RTL1: variants seen among roughly 807,000 people sequenced by gnomAD.
RTL1 encodes retrotransposon-like protein 1.
For missense variants in RTL1, 1,681 were observed against 1,767.5 expected (o/e 0.95, Z 0.88); for synonymous variants, 727 against 748.4 (o/e 0.97, Z 0.47).
chr14:100,886,086 CT>C (rs1295696642), intron 3 of RTL1, among the ~76,000 whole-genome samples: 10 of 152,176 alleles, frequency 6.6e-5, no homozygotes, highest in African/African-American at 2.2e-4. Flanking sequence ...TTGCACATTT[CT>C]TCTCTGCTGG....
intron 3 of RTL1, among the ~76,000 whole-genome samples, chr14:100,891,878 C>G (rs959532454): frequency 6.6e-6 from 1 of 152,062 alleles, no homozygotes; most frequent in Admixed American, 6.5e-5. Flanking sequence ...TGGTGGTCTT[C>G]TCACTGTGCT....
rs1315436060 is a variant in RTL1, at chr14:100,880,226, G to A, written c.*486C>T. 7.1e-6 allele frequency among the ~76,000 whole-genome samples: 1 copy of A among 139,886 alleles called. No homozygotes were observed. Among genetic ancestry groups the A allele is most frequent in the African/African-American group, 2.6e-5 (1 of 38,992 alleles). The allele number at this position is 139,886 out of a possible 152,430, so 91.8% of individuals were successfully genotyped here. ...TTGGGGGATGGGGGTTGGGGGGCGG[G>A]GGCGGGAGCTCAGGGGAGCAGGAGC... On this transcript the variant is annotated 3_prime_UTR_variant, in exon 4 of 4. Coordinates refer to ENST00000649591, the MANE Select transcript of RTL1 (RefSeq NM_001134888.3).
At position 100,883,448 on chromosome 14, in the gene RTL1, G is replaced by A. The variant is rs2038649689; in HGVS notation, c.1341C>T (p.Tyr447=). Residue 447 remains tyrosine, a synonymous_variant, in exon 4 of 4, where the codon TAC becomes TAT. Coordinates refer to ENST00000649591, the MANE Select transcript of RTL1 (RefSeq NM_001134888.3). This position sits in a 1 kb window ranked among gnomAD's most constrained non-coding sequence, Gnocchi z 5.9. The part of the protein sequence containing the change: ...FMDEKFAQEH[Y]VELYEKPYPQ... Reference sequence around the variant, plus strand: ...GGTACGGCTTCTCGTAGAGCTCGACGTAGTGCTCTTGGGCGAACTTCTCAT... The same window carrying A: ...GGTACGGCTTCTCGTAGAGCTCGACATAGTGCTCTTGGGCGAACTTCTCAT... The A allele has an allele frequency of 3.9e-6, 6 of 1,550,934 alleles. No homozygotes were observed. The highest frequency in any genetic ancestry group is 1.4e-5 in the African/African-American group (1 of 73,046).
chr14:100,897,751 C>CGGGGGGGGGGGGGGGG (rs67432304), intron 2 of RTL1: 3 of 49,802 alleles, frequency 6.0e-5, no homozygotes, highest in African/African-American at 1.5e-4. Flanking sequence ...CCCTGGTTGG[C>CGGGGGGGGGGGGGGGG]GGGGGGGGGG....
intron 3 of RTL1, among the ~76,000 whole-genome samples, chr14:100,890,096 AGCCCAGAATTTAATGCT>A (rs2038750895): frequency 6.7e-6 from 1 of 148,160 alleles, no homozygotes; most frequent in Non-Finnish European, 1.5e-5. Flanking sequence ...AAAAAAAAGA[AGCCCAGAATTTAATGCT>A]GCTGGTTTGG....
rs1002034807 is a variant in RTL1 at position 100,883,388 on chromosome 14, A to C, written c.1401T>G (p.Ile467Met). 1 of 1,550,580 alleles carries C rather than the reference A, an allele frequency of 6.4e-7. No homozygotes were observed. Among genetic ancestry groups the C allele is most frequent in the Non-Finnish European group, 8.7e-7 (1 of 1,146,356 alleles). Residue 467 changes from isoleucine (I) to methionine (M), a missense_variant, in exon 4 of 4, where the codon ATT (isoleucine) becomes ATG (methionine). Transcript: ENST00000649591. The surrounding 1 kb of genome is among the most constrained non-coding windows in gnomAD (Gnocchi z 5.9). ...QPVQSVDGSL[I>M]GNEPVWLYTE... ...TGTAGAGCCAGACAGGCTCGTTGCC[A>C]ATCAGCGAGCCGTCCACGGATTGGA...
chr14:100,900,216 T>G (rs2038923155), intron 2 of RTL1, among the ~76,000 whole-genome samples: 1 of 152,264 alleles, frequency 6.6e-6, no homozygotes, highest in African/African-American at 2.4e-5. Flanking sequence ...CAGAGGTTCA[T>G]AATTCCTGGA....
Position 100,882,975 on chromosome 14 carries a change from T to A in RTL1, c.1814A>T (p.Glu605Val). 1 of 1,614,126 alleles carries A rather than the reference T, an allele frequency of 6.2e-7. No homozygotes were observed. The highest frequency in any genetic ancestry group is 8.5e-7 in the Non-Finnish European group (1 of 1,180,036). The part of the protein sequence containing the change: ...LQQAGDSDHS[E>V]TFYECPSTAP... Reference sequence around the variant, plus strand: ...GGTGGAGGGACACTCGTAAAAGGTCTCGCTGTGATCACTGTCTCCAGCCTG... The same window carrying A: ...GGTGGAGGGACACTCGTAAAAGGTCACGCTGTGATCACTGTCTCCAGCCTG... Residue 605 changes from glutamate (E) to valine (V), a missense_variant, in exon 4 of 4, where the codon GAG (glutamate) becomes GTG (valine). By Grantham distance (121) the Glu-to-Val change is moderately radical. Transcript: ENST00000649591.
chr14:100,892,335 G>A (rs959880407), intron 3 of RTL1, among the ~76,000 whole-genome samples: 1 of 152,218 alleles, frequency 6.6e-6, no homozygotes, highest in South Asian at 2.1e-4. Flanking sequence ...GAAGGCAGAT[G>A]AGAGGCTGGC....
At position 100,879,789 on chromosome 14, in the gene RTL1, A is replaced by T. The variant is rs2038580955; in HGVS notation, c.*923T>A. Among the ~76,000 whole-genome samples, 2 of 140,252 alleles carry T rather than the reference A, an allele frequency of 1.4e-5. No individual in the cohort carries two copies. 92.0% of individuals were successfully genotyped at this position (140,252 alleles called of 152,430 possible). Reference sequence around the variant, plus strand: ...TGCTTTATTTGAGGAGTGCAAAAAGATTGGGGGGTGAGAAAGCTCGGGGGG... The same window carrying T: ...TGCTTTATTTGAGGAGTGCAAAAAGTTTGGGGGGTGAGAAAGCTCGGGGGG... On this transcript the variant is annotated 3_prime_UTR_variant, in exon 4 of 4. Transcript: ENST00000649591.
chr14:100,885,029 T>G (rs1287606944), intron 3 of RTL1, among the ~76,000 whole-genome samples, 155 bp from the exon 4 acceptor site: 3 of 152,248 alleles, frequency 2.0e-5, no homozygotes, highest in Non-Finnish European at 4.4e-5. Context: ...CCTCTTTGGC[T>G]GGTCACTTGG....
At chr14:100,897,702 A>C (rs1215616835) in intron 2 of RTL1, 1 of 227,762 alleles carries the variant, frequency 4.4e-6, no homozygotes, top group Admixed American at 5.6e-5. Flanking sequence ...GAGTTTATTT[A>C]ACCACCTTGC....
Position 100,883,804 on chromosome 14 carries a change from C to T in RTL1, c.985G>A (p.Gly329Arg). Residue 329 changes from glycine (G) to arginine (R), a missense_variant, in exon 4 of 4, where the codon GGG becomes AGG. Physicochemically the swap from Gly to Arg is moderately radical, Grantham distance 125. Coordinates refer to ENST00000649591, the MANE Select transcript of RTL1 (RefSeq NM_001134888.3). This position sits in a 1 kb window ranked among gnomAD's most constrained non-coding sequence, Gnocchi z 5.9. Reference sequence around the variant, plus strand: ...TAGTGCCTGATCTCCTCGTTGAGCCCCTGGCACAAGTGGGCCTGCAGGACT... The same window carrying T: ...TAGTGCCTGATCTCCTCGTTGAGCCTCTGGCACAAGTGGGCCTGCAGGACT... The part of the protein sequence containing the change: ...DEVLQAHLCQ[G>R]LNEEIRHYLF... The T allele has an allele frequency of 6.4e-7, 1 of 1,551,694 alleles. No homozygotes were observed. Among genetic ancestry groups the T allele is most frequent in the Non-Finnish European group, 8.7e-7 (1 of 1,147,000 alleles).
In RTL1 at chr14:100,882,570, A is replaced by C; in HGVS notation, c.2219T>G (p.Met740Arg). Residue 740 changes from methionine to arginine, a missense_variant, in exon 4 of 4, where the codon ATG (methionine) becomes AGG (arginine). Transcript: ENST00000649591. ...GTGGTGGAGGTGCTCCTCCTGACTC[A>C]TTGAGTAGATCAGGACTTCCTGGCC... ...SYGQEVLIYS[M>R]SQEEHLHHVR... 6.4e-7 allele frequency: 1 copy of C among 1,551,756 alleles called. No homozygotes were observed. Among genetic ancestry groups the C allele is most frequent in the Non-Finnish European group, 8.7e-7 (1 of 1,147,024 alleles).
rs34696219 is a variant in RTL1, at chr14:100,880,700, AG to A, written c.*11del. ...ATAGAGGGGACTCTTTGCTGGAGACAGGGAGGCGTCTTCAGTCGAGGTTAGC... is the reference window on the plus strand; with the variant it reads ...ATAGAGGGGACTCTTTGCTGGAGACAGGAGGCGTCTTCAGTCGAGGTTAGC... On this transcript the variant is annotated 3_prime_UTR_variant, in exon 4 of 4. Coordinates refer to ENST00000649591, the MANE Select transcript of RTL1 (RefSeq NM_001134888.3). The A allele has an allele frequency of 0.19, 288,656 of 1,550,600 alleles. 29,806 individuals carry two copies. The highest frequency in any genetic ancestry group is 0.24 in the Middle Eastern group (1,443 of 5,974).
chr14:100,895,624 C>A (rs1452386939), intron 2 of RTL1, among the ~76,000 whole-genome samples: 1 of 152,012 alleles, frequency 6.6e-6, no homozygotes, highest in Non-Finnish European at 1.5e-5. Flanking sequence ...TTGCAGAGGG[C>A]ATTTTCTTGA....
rs1302634023 is a variant in RTL1, at chr14:100,884,623, T to G, written c.166A>C (p.Lys56Gln). ...TGGAGTGGGCCACTGGGGGGCTCCT[T>G]CTTTTCCTGGGCTGGGCCGCTGGCT... ...GPASGPAQEK[K>Q]EPPSGPLQEM... The change falls in exon 4 of 4, where the codon AAG (lysine) becomes CAG (glutamine). Residue 56 changes from lysine to glutamine, a missense_variant. Transcript: ENST00000649591. The G allele has an allele frequency of 6.2e-7, 1 of 1,613,612 alleles. No homozygotes were observed. The highest frequency in any genetic ancestry group is 8.5e-7 in the Non-Finnish European group (1 of 1,179,862).
intron 2 of RTL1, among the ~76,000 whole-genome samples, chr14:100,901,854 A>G (rs1278254634): frequency 1.3e-5 from 2 of 151,990 alleles, no homozygotes; most frequent in Non-Finnish European, 1.5e-5. Flanking sequence ...GGACAGAGGC[A>G]CCCCGCCAAC....
At chr14:100,892,719 C>A (rs560273296) in intron 3 of RTL1, among the ~76,000 whole-genome samples, 42 of 152,246 alleles carry the variant, frequency 2.8e-4, no homozygotes, top group African/African-American at 8.7e-4. Context: ...GAGGGGCAGG[C>A]TGATGACTGG....
Sources: allele counts gnomAD v4.1 joint callset (sites outside exome capture counted in the v4.1 genomes callset), GRCh38; gene constraint gnomAD v4.1.1; non-coding constraint Gnocchi (gnomAD v3.1); transcripts MANE v1.5; gene names NCBI Gene and HGNC (gene_info 2026-07-23, HGNC 2026-07-21).